The following MYH1 variants were observed in gnomAD, a reference collection of about 807,000 sequenced individuals.
MYH1 encodes myosin heavy chain 1.
MYH1 carries 214 observed loss-of-function variants against 225.6 expected under a neutral mutation model. The ratio of observed to expected loss-of-function variants is 0.95; its 90% CI spans 0.85 to 1.06. MYH1 has a LOEUF of 1.06. Among genes scored for constraint, MYH1 ranks in the 50% least tolerant of loss-of-function variants. The probability of loss-of-function intolerance (pLI) is 0.00; values close to 1 mark genes in which losing one functional copy is unlikely to be tolerated. For synonymous variants in MYH1, 774 were observed against 842.3 expected (o/e 0.92, Z 1.40); for missense variants, 2,098 against 2,344.2 (o/e 0.89, Z 2.17).
At position 10,500,776 on chromosome 17, in the gene MYH1, G is replaced by A. The variant is rs199688013; in HGVS notation, c.3739-24C>T. ...CCCTGCATTCAAAAAGTGGTAGAAG[G>A]CATCTCAAGTAAGTAGTTGGACCAA... On this transcript the variant is annotated intron_variant, in intron 27 of 39. Coordinates refer to ENST00000226207, the MANE Select transcript of MYH1 (RefSeq NM_005963.4). 3 of 1,613,974 alleles carry A rather than the reference G, an allele frequency of 1.9e-6. No homozygotes were observed. The East Asian group carries it at 6.7e-5, about 36-fold the overall frequency.
intron 5 of MYH1, among the ~76,000 whole-genome samples, chr17:10,515,557 A>C (rs1301914434): frequency 1.3e-5 from 2 of 152,206 alleles, no homozygotes; most frequent in Admixed American, 1.3e-4. Flanking sequence ...CACCAAAAGG[A>C]TTGAACTCCT....
Position 10,510,539 on chromosome 17 carries a change from A to T in MYH1, c.1417-884T>A, listed in dbSNP as rs773968880. 7.6e-4 allele frequency among the ~76,000 whole-genome samples: 116 copies of T among 152,308 alleles called. 1 individual carries two copies. The highest frequency in any genetic ancestry group is 3.4e-3 in the Middle Eastern group (1 of 294). On this transcript the variant is annotated intron_variant, in intron 14 of 39. Transcript: ENST00000226207. ...TGTTTGTAACTACTCCTAGAACTTG[A>T]GTAGACCTGCCCTGCTTTATTATTC... is the stretch of plus-strand genomic sequence containing the variant.
chr17:10,505,772 T>C (rs1261393716), intron 19 of MYH1, 40 bp downstream of exon 19: 2 of 1,611,320 alleles, frequency 1.2e-6, no homozygotes, highest in Non-Finnish European at 1.7e-6. Flanking sequence ...TAAAAAGTAA[T>C]AAAAACCTCT....
At chr17:10,500,822 A>G in intron 27 of MYH1, 70 bp from the exon 28 acceptor site, 1 of 1,597,708 alleles carries the variant, frequency 6.3e-7, no homozygotes, top group East Asian at 2.2e-5. Flanking sequence ...AGTAATCTAA[A>G]CATTCCATAT....
Position 10,509,309 on chromosome 17 carries a change from G to A in MYH1, c.1587+176C>T, listed in dbSNP as rs2073148716. Among the ~76,000 whole-genome samples, 4 of 152,256 alleles carry A rather than the reference G, an allele frequency of 2.6e-5. No homozygotes were observed. The South Asian group carries it at 6.2e-4, about 24-fold the overall frequency. On this transcript the variant is annotated intron_variant, in intron 15 of 39. Transcript: ENST00000226207. ...TAAGTGTTGTGTTCTGGACTCTATAGAAAATATTTAATCTCCTTTTACCAG... is the reference window on the plus strand; with the variant it reads ...TAAGTGTTGTGTTCTGGACTCTATAAAAAATATTTAATCTCCTTTTACCAG...
At chr17:10,514,932 A>G (rs767286126) in intron 5 of MYH1, 37 bp from the exon 6 acceptor site, 1 of 1,599,366 alleles carries the variant, frequency 6.3e-7, no homozygotes, top group Non-Finnish European at 8.6e-7. Flanking sequence ...CATATGTATC[A>G]GTTACACAAA....
At chr17:10,508,230 G>A in intron 16 of MYH1, 133 bp downstream of exon 16, 2 of 1,033,478 alleles carry the variant, frequency 1.9e-6, no homozygotes, top group Non-Finnish European at 2.8e-6. Context: ...TGTTGACCGG[G>A]CTGGTCTTGA....
intron 24 of MYH1, 33 bp from the exon 25 acceptor site, chr17:10,501,944 A>C (rs1282866902): frequency 6.3e-7 from 1 of 1,578,740 alleles, no homozygotes; most frequent in Non-Finnish European, 8.6e-7. Context: ...TATGGTTCTT[A>C]GAATGGTAGC....
intron 30 of MYH1, 151 bp from the exon 31 acceptor site, chr17:10,498,068 C>T (rs2073014836): frequency 2.6e-6 from 2 of 773,070 alleles, no homozygotes; most frequent in African/African-American, 1.8e-5. Context: ...AACTCATTCC[C>T]ATTATCCTAC....
At chr17:10,514,594 T>C (rs1226015335) in intron 6 of MYH1, among the ~76,000 whole-genome samples, 1 of 152,214 alleles carries the variant, frequency 6.6e-6, no homozygotes, top group Admixed American at 6.5e-5. Flanking sequence ...ATGCTGCTCA[T>C]TGCACTATAC....
chr17:10,511,809 T>G (rs756940347), intron 14 of MYH1, 30 bp downstream of exon 14: 1 of 1,613,946 alleles, frequency 6.2e-7, no homozygotes, highest in South Asian at 1.1e-5. Context: ...TGTTGGAAAC[T>G]TTTTTGGTAC....
At chr17:10,504,644 T>G (rs1028608649) in intron 22 of MYH1, among the ~76,000 whole-genome samples, 166 bp downstream of exon 22, 1 of 152,218 alleles carries the variant, frequency 6.6e-6, no homozygotes, top group Non-Finnish European at 1.5e-5. Flanking sequence ...ACCACAGTGA[T>G]TTTTAGTAAT....
Position 10,513,668 on chromosome 17 carries a change from A to G in MYH1, c.763T>C (p.Phe255Leu). The G allele has an allele frequency of 6.2e-7, 1 of 1,614,122 alleles. No homozygotes were observed. The highest frequency in any genetic ancestry group is 8.5e-7 in the Non-Finnish European group (1 of 1,179,982). ...SRFGKFIRIH[F>L]GTTGKLASAD... ...GAAGCCAGTTTCCCTGTGGTACCGA[A>G]GTGGATCCTGATGAATTTACCCTTG... Residue 255 changes from phenylalanine to leucine, a missense_variant, in exon 9 of 40, where the codon TTC becomes CTC. Phe to Leu is a conservative substitution (Grantham distance 22). Transcript: ENST00000226207.
rs1020193171 is a variant in MYH1, at chr17:10,516,451, G to C, written c.192C>G (p.Thr64=). 1.2e-6 allele frequency: 2 copies of C among 1,614,176 alleles called. No homozygotes were observed. Among genetic ancestry groups the C allele is most frequent in the East Asian group, 2.2e-5 (1 of 44,878 alleles). The change falls in exon 3 of 40, where the codon ACC becomes ACG. Residue 64 remains threonine, a synonymous_variant. Coordinates refer to ENST00000226207, the MANE Select transcript of MYH1 (RefSeq NM_005963.4). ...SREGGKVTAK[T]EAGATVTVKD... ...TGTTTTTACTCACAGCTCCAGCTTC[G>C]GTCTTAGCTGTCACCTTCCCCCCTT...
At position 10,498,800 on chromosome 17, in the gene MYH1, G is replaced by A. The variant is rs1383856336; in HGVS notation, c.4007C>T (p.Ala1336Val). 6.2e-7 allele frequency: 1 copy of A among 1,614,122 alleles called. No homozygotes were observed. The highest frequency in any genetic ancestry group is 1.7e-5 in the Admixed American group (1 of 60,010). ...EIKAKSALAH[A>V]LQSSRHDCDL... ...ACAGTCATGGCGGGAGGACTGCAGG[G>A]CATGTGCCAGGGCACTCTTGGCCTG... is the stretch of plus-strand genomic sequence containing the variant. The change falls in exon 30 of 40, where the codon GCC becomes GTC. Residue 1336 changes from alanine to valine, a missense_variant. By Grantham distance (64) the Ala-to-Val change is moderately conservative (BLOSUM62 0). Transcript: ENST00000226207.
Position 10,501,600 on chromosome 17 carries a change from C to G in MYH1, c.3342G>C (p.Glu1114Asp), listed in dbSNP as rs2073058434. ...CGAAAATCATTTAACGTACTTGTAA[C>G]TCCTTGATTTTCTTCTGCAGCTGCA... ...LGMQLQKKIK[E>D]LQARIEELEE... is the part of the protein sequence containing the mutation. Residue 1114 changes from glutamate to aspartate, a missense_variant, in exon 26 of 40, where the codon GAG (glutamate) becomes GAC (aspartate). Transcript: ENST00000226207. 3 of 1,614,194 alleles carry G rather than the reference C, an allele frequency of 1.9e-6. No individual in the cohort carries two copies. In the East Asian group the frequency reaches 6.7e-5, roughly 36 times the overall value.
At chr17:10,512,610 C>T in intron 11 of MYH1, 64 bp from the exon 12 acceptor site, 1 of 1,611,640 alleles carries the variant, frequency 6.2e-7, no homozygotes, top group Admixed American at 1.7e-5. Flanking sequence ...ATCTTTTACA[C>T]ACATATAGAT....
chr17:10,501,465 G>A lies in MYH1; in HGVS notation c.3383C>T (p.Ala1128Val). ...RIEELEEEIE[A>V]ERASRAKAEK... ...TGCTTTGGCCCGGGAGGCCCGCTCTGCCTCGATTTCCTCCTCCAGCTCCTC... is the reference window on the plus strand; with the variant it reads ...TGCTTTGGCCCGGGAGGCCCGCTCTACCTCGATTTCCTCCTCCAGCTCCTC... The change falls in exon 27 of 40, where the codon GCA becomes GTA. Residue 1128 changes from alanine (A) to valine (V), a missense_variant. Coordinates refer to ENST00000226207, the MANE Select transcript of MYH1 (RefSeq NM_005963.4). 6.2e-7 allele frequency: 1 copy of A among 1,614,210 alleles called. No homozygotes were observed. The highest frequency in any genetic ancestry group is 8.5e-7 in the Non-Finnish European group (1 of 1,180,044).
intron 33 of MYH1, 99 bp from the exon 34 acceptor site, chr17:10,496,648 AG>A: frequency 6.5e-7 from 1 of 1,548,570 alleles, no homozygotes; most frequent in African/African-American, 1.4e-5. Flanking sequence ...ATTTATAAAT[AG>A]ATTTCTAAGT....
Sources: gnomAD v4.1 joint callset for allele counts (sites outside exome capture counted in the v4.1 genomes callset) on GRCh38, gnomAD v4.1.1 for gene constraint, MANE v1.5 for transcripts, NCBI Gene and HGNC (gene_info 2026-07-23, HGNC 2026-07-21) for gene names.